The following COL25A1 variants were observed in gnomAD, a reference collection of about 807,000 sequenced individuals.
COL25A1 encodes collagen alpha-1(XXV) chain.
COL25A1 carries 103 observed loss-of-function variants against 128.4 expected under a neutral mutation model. The ratio of observed to expected loss-of-function variants is 0.80; its 90% CI spans 0.68 to 0.94. COL25A1 has a LOEUF of 0.94. COL25A1 is among the 40% of genes least tolerant of loss of function. The pLI is 0.00. For missense variants in COL25A1, 745 were observed against 840.0 expected (o/e 0.89, Z 1.40); for synonymous variants, 279 against 277.2 (o/e 1.01, Z -0.06).
chr4:109,241,950 G>A (rs1213237480), intron 3 of COL25A1, among the ~76,000 whole-genome samples: 2 of 151,768 alleles, frequency 1.3e-5, no homozygotes, highest in Non-Finnish European at 2.9e-5. Flanking sequence ...AAAGTTGAAA[G>A]TCACCATATC....
intron 6 of COL25A1, among the ~76,000 whole-genome samples, chr4:108,985,168 T>G (rs778011179): frequency 1.3e-5 from 2 of 152,104 alleles, no homozygotes; most frequent in Non-Finnish European, 2.9e-5. Context: ...ACTACCACAC[T>G]CCCAATCTTC....
intron 3 of COL25A1, among the ~76,000 whole-genome samples, chr4:109,244,207 T>C (rs7695894): frequency 8.0e-4 from 122 of 151,926 alleles, no homozygotes; most frequent in African/African-American, 1.4e-3. Flanking sequence ...TTGAATTCCC[T>C]AAGTCGAGGT....
At chr4:109,173,270 T>C (rs951671538) in intron 3 of COL25A1, among the ~76,000 whole-genome samples, 1 of 151,336 alleles carries the variant, frequency 6.6e-6, no homozygotes, top group Non-Finnish European at 1.5e-5. Flanking sequence ...AAAAAAATAG[T>C]AGAGATGAGG....
intron 3 of COL25A1, among the ~76,000 whole-genome samples, chr4:109,218,369 T>TTTG (rs1560887331): frequency 4.3e-5 from 6 of 140,906 alleles, no homozygotes; most frequent in Admixed American, 1.5e-4. Flanking sequence ...TTTTTTTTTT[T>TTTG]TTTTTTTTTT....
intron 8 of COL25A1, among the ~76,000 whole-genome samples, chr4:108,958,488 G>A (rs1295858446): frequency 6.6e-6 from 1 of 151,622 alleles, no homozygotes; most frequent in East Asian, 1.9e-4. Context: ...ACCTATATAA[G>A]ATATCTAAGC....
chr4:109,236,882 G>A (rs935967071), intron 3 of COL25A1, among the ~76,000 whole-genome samples: 4 of 151,712 alleles, frequency 2.6e-5, no homozygotes, highest in African/African-American at 9.7e-5. Context: ...AGCCAGACTA[G>A]ACTCTTTTTG....
intron 3 of COL25A1, among the ~76,000 whole-genome samples, chr4:109,126,690 C>T (rs1768651649): frequency 6.6e-6 from 1 of 152,112 alleles, no homozygotes. Flanking sequence ...GATACCACCT[C>T]TCGAGAAACT....
At chr4:109,218,052 C>T (rs1264733618) in intron 3 of COL25A1, among the ~76,000 whole-genome samples, 1 of 152,156 alleles carries the variant, frequency 6.6e-6, no homozygotes, top group Non-Finnish European at 1.5e-5. Flanking sequence ...CACCTTTATG[C>T]ACTATTCTAT....
chr4:108,892,895 T>C (rs1741679930), intron 16 of COL25A1, among the ~76,000 whole-genome samples: 1 of 151,986 alleles, frequency 6.6e-6, no homozygotes, highest in Non-Finnish European at 1.5e-5. Context: ...TATTAGAAAG[T>C]AGAGAAGTGG....
At chr4:108,933,088 T>C (rs72668384) in intron 11 of COL25A1, among the ~76,000 whole-genome samples, 13,962 of 152,268 alleles carry the variant, frequency 0.092, 816 homozygotes, top group Non-Finnish European at 0.13. Flanking sequence ...TTTTTTATTC[T>C]ATCATAGATG....
intron 4 of COL25A1, 79 bp downstream of exon 4, chr4:109,050,056 T>C: frequency 8.6e-7 from 1 of 1,163,578 alleles, no homozygotes; most frequent in Non-Finnish European, 1.3e-6. Flanking sequence ...CAAGACAATA[T>C]TATCATTAAT....
intron 3 of COL25A1, among the ~76,000 whole-genome samples, chr4:109,298,158 T>C (rs1725172089): frequency 6.6e-6 from 1 of 152,248 alleles, no homozygotes; most frequent in South Asian, 2.1e-4. Context: ...GTCAGGGTCA[T>C]TGTGAAAATT....
chr4:109,117,499 A>C (rs1171701167), intron 3 of COL25A1, among the ~76,000 whole-genome samples: 1 of 152,018 alleles, frequency 6.6e-6, no homozygotes, highest in Admixed American at 6.6e-5. Context: ...CTTGCAATAA[A>C]TATTAGAAGT....
intron 3 of COL25A1, among the ~76,000 whole-genome samples, chr4:109,144,419 G>A (rs570945416): frequency 6.6e-6 from 1 of 152,350 alleles, no homozygotes; most frequent in African/African-American, 2.4e-5. Flanking sequence ...CAGAGCTCAA[G>A]CACTGTGCTG....
chr4:108,838,483 A>G (rs945063747), intron 31 of COL25A1, among the ~76,000 whole-genome samples: 1 of 152,164 alleles, frequency 6.6e-6, no homozygotes, highest in East Asian at 1.9e-4. Context: ...CCACATTTTT[A>G]TGATCAAATA....
At chr4:109,239,017 C>T (rs998004465) in intron 3 of COL25A1, among the ~76,000 whole-genome samples, 5 of 151,932 alleles carry the variant, frequency 3.3e-5, no homozygotes, top group Admixed American at 1.3e-4. Context: ...TCAGTAATTC[C>T]TGAGAGGCCC....
chr4:109,299,723 C>G (rs530376123), intron 3 of COL25A1, among the ~76,000 whole-genome samples: 42 of 152,234 alleles, frequency 2.8e-4, no homozygotes, highest in Middle Eastern at 6.8e-3. Flanking sequence ...CAATGTTTAT[C>G]TGAAATAAAC....
At chr4:108,840,959 C>T (rs187283461) in intron 31 of COL25A1, among the ~76,000 whole-genome samples, 315 of 152,262 alleles carry the variant, frequency 2.1e-3, no homozygotes, top group Middle Eastern at 0.01. Flanking sequence ...GGTGATACAG[C>T]CTGGCAAGAT....
intron 3 of COL25A1, among the ~76,000 whole-genome samples, chr4:109,197,503 T>TAA (rs1560851426): frequency 1.6e-5 from 2 of 127,376 alleles, no homozygotes; most frequent in Non-Finnish European, 3.2e-5. Context: ...TAAATATATA[T>TAA]TATATAATAT....
Sources: allele counts gnomAD v4.1 joint callset (sites outside exome capture counted in the v4.1 genomes callset), GRCh38; gene constraint gnomAD v4.1.1; transcripts MANE v1.5; gene names NCBI Gene and HGNC (gene_info 2026-07-23, HGNC 2026-07-21).